The following MAF variants were observed in gnomAD, a reference collection of about 807,000 sequenced individuals.
The protein encoded by MAF is transcription factor Maf.
Under a neutral mutation model 22.0 loss-of-function variants are expected in MAF, and 10 were observed. The ratio of observed to expected loss-of-function variants is 0.45; its 90% CI spans 0.28 to 0.77. MAF has a LOEUF of 0.77. MAF is among the 30% of genes least tolerant of loss of function. The probability of loss-of-function intolerance (pLI) is 0.12; values close to 1 mark genes in which losing one functional copy is unlikely to be tolerated. For synonymous variants in MAF, 337 were observed against 255.8 expected (o/e 1.32, Z -3.03); for missense variants, 544 against 548.4 (o/e 0.99, Z 0.08).
the MAF span, among the ~76,000 whole-genome samples, chr16:79,307,894 G>A: frequency 2.6e-5 from 4 of 152,184 alleles, no homozygotes; most frequent in African/African-American, 9.7e-5. Context: ...ACAGGCCCCA[G>A]GAAGCAGTTC....
At chr16:79,327,602 T>A in the MAF span, among the ~76,000 whole-genome samples, 3 of 152,266 alleles carry the variant, frequency 2.0e-5, no homozygotes, top group East Asian at 5.8e-4. Flanking sequence ...CAAAAGTAAC[T>A]AAGGTGGAAA....
chr16:79,468,469 C>G, the MAF span, among the ~76,000 whole-genome samples: 1 of 152,202 alleles, frequency 6.6e-6, no homozygotes, highest in Non-Finnish European at 1.5e-5. Flanking sequence ...GGGAGACCTG[C>G]TCTTGTTTGG....
At chr16:79,342,718 T>G in the MAF span, among the ~76,000 whole-genome samples, 5 of 152,104 alleles carry the variant, frequency 3.3e-5, no homozygotes, top group Non-Finnish European at 7.4e-5. Context: ...ATACAAAACA[T>G]CTTACTATTG....
chr16:79,534,597 G>T, the MAF span, among the ~76,000 whole-genome samples: 2 of 151,978 alleles, frequency 1.3e-5, no homozygotes, highest in Non-Finnish European at 2.9e-5. Flanking sequence ...TGGGATGGGG[G>T]GAGGGAGGAG....
chr16:79,275,318 C>T, the MAF span, among the ~76,000 whole-genome samples: 1 of 152,158 alleles, frequency 6.6e-6, no homozygotes, highest in Non-Finnish European at 1.5e-5. Context: ...TGCACTCCAG[C>T]CTGGGCGACA....
At chr16:79,285,940 T>C in the MAF span, among the ~76,000 whole-genome samples, 1 of 152,190 alleles carries the variant, frequency 6.6e-6, no homozygotes, top group Non-Finnish European at 1.5e-5. Flanking sequence ...TCTGCCCCCA[T>C]ATTTAGGGAC....
chr16:79,596,942 T>C, intron 1 of MAF: 4 of 1,049,698 alleles, frequency 3.8e-6, no homozygotes, highest in Non-Finnish European at 4.6e-6. Flanking sequence ...CAGTCCCAAA[T>C]ACTTTAATTT....
the MAF span, among the ~76,000 whole-genome samples, chr16:79,213,304 C>A: frequency 1.6e-4 from 25 of 152,374 alleles, no homozygotes; most frequent in African/African-American, 6.0e-4. Flanking sequence ...GTCGAACAAA[C>A]AAACACCATT....
chr16:79,258,027 T>C, the MAF span, among the ~76,000 whole-genome samples: 2 of 152,206 alleles, frequency 1.3e-5, no homozygotes, highest in Admixed American at 6.5e-5. Context: ...AATGTGACTC[T>C]GTTAAGTACA....
chr16:79,405,539 C>T, the MAF span, among the ~76,000 whole-genome samples: 3 of 152,128 alleles, frequency 2.0e-5, no homozygotes, highest in African/African-American at 7.2e-5. Context: ...CTCTCTTGTC[C>T]CAGGGAGGAA....
chr16:79,470,849 T>G, the MAF span, among the ~76,000 whole-genome samples: 24 of 152,238 alleles, frequency 1.6e-4, no homozygotes, highest in African/African-American at 5.8e-4. Flanking sequence ...TGTGTTTTAC[T>G]GCTATTTGTC....
the MAF span, among the ~76,000 whole-genome samples, chr16:79,236,136 T>C: frequency 6.6e-6 from 1 of 152,080 alleles, no homozygotes; most frequent in Non-Finnish European, 1.5e-5. Flanking sequence ...TATTTTACAA[T>C]GCAAGCATTT....
chr16:79,522,327 A>C, the MAF span, among the ~76,000 whole-genome samples: 1 of 152,168 alleles, frequency 6.6e-6, no homozygotes, highest in African/African-American at 2.4e-5. Context: ...GCAGTTCCTC[A>C]GTGACTCCAT....
the MAF span, among the ~76,000 whole-genome samples, chr16:79,242,662 A>G: frequency 6.6e-6 from 1 of 151,978 alleles, no homozygotes; most frequent in East Asian, 1.9e-4. Flanking sequence ...GAAAATTAAC[A>G]AGGATATTCA....
chr16:79,494,039 C>T, the MAF span, among the ~76,000 whole-genome samples: 1 of 152,056 alleles, frequency 6.6e-6, no homozygotes, highest in Non-Finnish European at 1.5e-5. Context: ...TGAGAAATCT[C>T]TCCACTGCTA....
the MAF span, among the ~76,000 whole-genome samples, chr16:79,460,909 A>G: frequency 6.6e-6 from 1 of 152,216 alleles, no homozygotes; most frequent in African/African-American, 2.4e-5. Flanking sequence ...ACAACATAAA[A>G]ACATTTTATT....
chr16:79,441,791 G>T, the MAF span, among the ~76,000 whole-genome samples: 2 of 152,192 alleles, frequency 1.3e-5, no homozygotes, highest in Admixed American at 1.3e-4. Flanking sequence ...TTTCTACTAG[G>T]AACCCCAGTA....
the MAF span, among the ~76,000 whole-genome samples, chr16:79,467,640 T>C: frequency 2.3e-3 from 357 of 152,284 alleles, no homozygotes; most frequent in African/African-American, 8.2e-3. Context: ...TACTTGGGCC[T>C]TGATAGAAAT....
the MAF span, among the ~76,000 whole-genome samples, chr16:79,455,853 G>C: frequency 1.5e-4 from 23 of 152,052 alleles, no homozygotes; most frequent in South Asian, 3.5e-3. Context: ...CTCTGTCTCT[G>C]ACAAAAATAC....
Sources: gnomAD v4.1 joint callset for allele counts (sites outside exome capture counted in the v4.1 genomes callset) on GRCh38, gnomAD v4.1.1 for gene constraint, MANE v1.5 for transcripts, NCBI Gene and HGNC (gene_info 2026-07-23, HGNC 2026-07-21) for gene names.